Variants in ZNF106 observed in about 807,000 individuals in gnomAD.
ZNF106 encodes SH3-domain binding protein 3.
A neutral mutation model predicts 195.1 loss-of-function variants in ZNF106; 67 were observed. The observed-to-expected ratio is 0.34, with a 90% CI of 0.28 to 0.42. The LOEUF (loss-of-function observed/expected upper bound fraction) is 0.42, where lower values mean the gene tolerates loss of function less well. Among genes scored for constraint, ZNF106 ranks in the 10% least tolerant of loss-of-function variants. The pLI is 1.00. For missense variants in ZNF106, 2,118 were observed against 2,304.5 expected (o/e 0.92, Z 1.66); for synonymous variants, 784 against 818.6 (o/e 0.96, Z 0.72).
chr15:42,436,596 TCATAAA>T (rs1238513521), intron 13 of ZNF106, among the ~76,000 whole-genome samples: 2 of 152,350 alleles, frequency 1.3e-5, no homozygotes, highest in East Asian at 1.9e-4. Flanking sequence ...CTTTCATTGT[TCATAAA>T]CATAATTAGT....
intron 1 of ZNF106, among the ~76,000 whole-genome samples, chr15:42,474,075 G>C (rs2056734422): frequency 6.6e-6 from 1 of 152,114 alleles, no homozygotes; most frequent in East Asian, 1.9e-4. Flanking sequence ...GGGGGCTCCA[G>C]GTCCAGCCAC....
intron 1 of ZNF106, among the ~76,000 whole-genome samples, chr15:42,484,799 A>G (rs1344093606): frequency 6.6e-6 from 1 of 152,152 alleles, no homozygotes; most frequent in Non-Finnish European, 1.5e-5. Flanking sequence ...GACCAACTCA[A>G]TAATCTTTCT....
chr15:42,439,775 T>C lies in ZNF106; in HGVS notation c.3802A>G (p.Thr1268Ala), dbSNP rs369087409. The C allele has an allele frequency of 1.3e-4, 203 of 1,588,278 alleles. No homozygotes were observed. The highest frequency in any genetic ancestry group is 1.6e-4 in the Non-Finnish European group (193 of 1,170,758). The change falls in exon 11 of 22, where the codon ACT becomes GCT. Residue 1268 changes from threonine (T) to alanine (A), a missense_variant. Transcript: ENST00000564754. ...GACTCTGGTAAGGACAATCTAGCAG[T>C]GATGACTGGATAAACTGGACAACTG... is the stretch of plus-strand genomic sequence containing the variant. ...SDSCPVYPVI[T>A]ARLSLPESTE...
chr15:42,420,038 G>T lies in ZNF106; in HGVS notation c.5517+1023C>A, dbSNP rs528095798. ...CATCCTTCTCTCTATAAAGCCAGAG[G>T]TATCTTCCCCATTTCTCTCTATAGA... On this transcript the variant is annotated intron_variant, in intron 20 of 21. Coordinates refer to ENST00000564754, the MANE Select transcript of ZNF106 (RefSeq NM_001366845.3). Among the ~76,000 whole-genome samples, 13 of 152,306 alleles carry T rather than the reference G, an allele frequency of 8.5e-5. No individual in the cohort carries two copies. In the South Asian group the frequency reaches 2.7e-3, roughly 32 times the overall value.
chr15:42,484,935 G>C (rs1409688990), intron 1 of ZNF106, among the ~76,000 whole-genome samples: 1 of 152,296 alleles, frequency 6.6e-6, no homozygotes, highest in Non-Finnish European at 1.5e-5. Context: ...GAGGCGGGCG[G>C]ATCGGTAGAG....
intron 3 of ZNF106, among the ~76,000 whole-genome samples, chr15:42,461,181 T>C (rs2056383939): frequency 6.6e-6 from 1 of 152,350 alleles, no homozygotes; most frequent in Non-Finnish European, 1.5e-5. Context: ...CAGGCATTCA[T>C]GCTTCAACAT....
At position 42,442,117 on chromosome 15, in the gene ZNF106, G is replaced by C; in HGVS notation, c.3719C>G (p.Pro1240Arg). 6.2e-7 allele frequency: 1 copy of C among 1,614,014 alleles called. No individual in the cohort carries two copies. Among genetic ancestry groups the C allele is most frequent in the South Asian group, 1.1e-5 (1 of 91,054 alleles). Residue 1240 changes from proline (P) to arginine (R), a missense_variant, in exon 10 of 22, where the codon CCA (proline) becomes CGA (arginine). Pro to Arg is a moderately radical substitution (Grantham distance 103). Transcript: ENST00000564754. ...CTTGGACACATTGCAGGCAGAGCTT[G>C]GTGGCACAGCATTCACATTCTCATC... The part of the protein sequence containing the change: ...EQDENVNAVP[P>R]SSACNVSKEL...
intron 2 of ZNF106, among the ~76,000 whole-genome samples, chr15:42,468,385 T>C (rs2056581283): frequency 6.6e-6 from 1 of 151,228 alleles, no homozygotes; most frequent in African/African-American, 2.4e-5. Context: ...GCCAAAACAC[T>C]TCTTTTAAAT....
chr15:42,451,126 A>C lies in ZNF106; in HGVS notation c.1146T>G (p.Asp382Glu). The C allele has an allele frequency of 1.2e-6, 2 of 1,614,178 alleles. No homozygotes were observed. Among genetic ancestry groups the C allele is most frequent in the Non-Finnish European group, 1.7e-6 (2 of 1,180,040 alleles). The change falls in exon 5 of 22, where the codon GAT (aspartate) becomes GAG (glutamate). Residue 382 changes from aspartate to glutamate, a missense_variant. Coordinates refer to ENST00000564754, the MANE Select transcript of ZNF106 (RefSeq NM_001366845.3). The part of the protein sequence containing the change: ...WTPYPSQKTL[D>E]LQSGLKDITG... ...TGATGTCTTTCAATCCCGACTGTAA[A>C]TCCAGAGTCTTCTGAGAAGGGTAAG...
intron 19 of ZNF106, 79 bp downstream of exon 19, chr15:42,421,838 A>T: frequency 6.9e-6 from 8 of 1,163,364 alleles, no homozygotes; most frequent in Non-Finnish European, 9.7e-6. Flanking sequence ...TCAGAAGCAG[A>T]TGTCACTTTT....
intron 18 of ZNF106, 71 bp from the exon 19 acceptor site, chr15:42,422,059 G>A: frequency 7.3e-7 from 1 of 1,372,506 alleles, no homozygotes; most frequent in Admixed American, 2.3e-5. Flanking sequence ...GTCCCTAAAG[G>A]CCTTTGGCAG....
In ZNF106 at chr15:42,449,761, C is replaced by A; in HGVS notation, c.2501+10G>T. ...TGAGGAAAAAAAAGACACCGAAAAG[C>A]AGCACACACCTGGGTAAGCCTTTGC... On this transcript the variant is annotated intron_variant, in intron 5 of 21. Coordinates refer to ENST00000564754, the MANE Select transcript of ZNF106 (RefSeq NM_001366845.3). The A allele has an allele frequency of 6.3e-7, 1 of 1,592,732 alleles. No individual in the cohort carries two copies.
chr15:42,435,467 G>A lies in ZNF106; in HGVS notation c.4798C>T (p.Leu1600Phe). Residue 1600 changes from leucine (L) to phenylalanine (F), a missense_variant, in exon 14 of 22, where the codon CTC becomes TTC. Physicochemically the swap from Leu to Phe is conservative, Grantham distance 22 (BLOSUM62 0). Coordinates refer to ENST00000564754, the MANE Select transcript of ZNF106 (RefSeq NM_001366845.3). The part of the protein sequence containing the change: ...FEGHTSKVNC[L>F]LVTQTSGKNA... The stretch of plus-strand genomic sequence containing the variant: ...TTCCCGGAGGTCTGAGTAACCAGGA[G>A]GCAGTTAACTTTGGAGGTATGACCC... 2 of 1,614,176 alleles carry A rather than the reference G, an allele frequency of 1.2e-6. No individual in the cohort carries two copies. The highest frequency in any genetic ancestry group is 8.5e-7 in the Non-Finnish European group (1 of 1,180,042).
Position 42,417,033 on chromosome 15 carries a change from C to A in ZNF106, c.*271G>T, listed in dbSNP as rs144779151. ...GTATCTTCAATAAACATCTGGAGAA[C>A]GCAAATAGCATATATCACTATATGC... On this transcript the variant is annotated 3_prime_UTR_variant, in exon 22 of 22. Transcript: ENST00000564754. The A allele has an allele frequency of 6.1e-6, 2 of 329,530 alleles. No homozygotes were observed. The highest frequency in any genetic ancestry group is 1.1e-5 in the Non-Finnish European group (2 of 181,242). 20.4% of individuals were successfully genotyped at this position (329,530 alleles called of 1,614,324 possible).
chr15:42,477,100 C>T (rs147199100), intron 1 of ZNF106, among the ~76,000 whole-genome samples: 5 of 152,184 alleles, frequency 3.3e-5, no homozygotes, highest in East Asian at 1.9e-4. Context: ...ATCAGTCTAT[C>T]TATGGGTTTG....
rs568730835 is a variant in ZNF106, at chr15:42,480,101, G to A, written c.-32-7780C>T. ...AGGGCTCAAGCAATCTTCCCACCTC[G>A]GCCTCCCAAAATCTATACTAATTTT... is the stretch of plus-strand genomic sequence containing the variant. On this transcript the variant is annotated intron_variant, in intron 1 of 21. Coordinates refer to ENST00000564754, the MANE Select transcript of ZNF106 (RefSeq NM_001366845.3). 1.8e-4 allele frequency among the ~76,000 whole-genome samples: 28 copies of A among 152,152 alleles called. No individual in the cohort carries two copies. The East Asian group carries it at 3.9e-3, about 21-fold the overall frequency.
At chr15:42,418,067 T>G in intron 20 of ZNF106, 116 bp from the exon 21 acceptor site, 11 of 1,100,518 alleles carry the variant, frequency 1.0e-5, no homozygotes, top group Non-Finnish European at 1.3e-5. Context: ...GCCCCTTATT[T>G]CAAATTTATT....
chr15:42,477,503 T>C (rs976798534), intron 1 of ZNF106, among the ~76,000 whole-genome samples: 23 of 152,224 alleles, frequency 1.5e-4, no homozygotes, highest in Admixed American at 1.3e-4. Context: ...ACGTCTGTAA[T>C]CCCAGCACTT....
At chr15:42,478,437 C>T (rs1453957757) in intron 1 of ZNF106, among the ~76,000 whole-genome samples, 3 of 151,726 alleles carry the variant, frequency 2.0e-5, no homozygotes, top group African/African-American at 7.3e-5. Context: ...GTTGGGATTA[C>T]AGGCATGAGC....
Sources: allele counts gnomAD v4.1 joint callset (sites outside exome capture counted in the v4.1 genomes callset), GRCh38; gene constraint gnomAD v4.1.1; transcripts MANE v1.5; gene names NCBI Gene and HGNC (gene_info 2026-07-23, HGNC 2026-07-21).